ENTREP2: variants seen among roughly 807,000 people sequenced by gnomAD.
ENTREP2 encodes the protein protein ENTREP2.
At chr15:29,233,280 A>G in the ENTREP2 span, among the ~76,000 whole-genome samples, 1 of 152,202 alleles carries the variant, frequency 6.6e-6, no homozygotes, top group Non-Finnish European at 1.5e-5. Flanking sequence ...GAGACATAAA[A>G]CCAAGTATCA....
At chr15:29,269,468 T>C in the ENTREP2 span, 3 of 1,612,944 alleles carry the variant, frequency 1.9e-6, no homozygotes, top group South Asian at 1.1e-5. Flanking sequence ...TTCTGGCTCC[T>C]GGGCCCCACG....
the ENTREP2 span, among the ~76,000 whole-genome samples, chr15:29,236,632 G>C: frequency 2.0e-5 from 3 of 152,310 alleles, no homozygotes; most frequent in South Asian, 4.1e-4. Flanking sequence ...CTGGGTGACA[G>C]AGCAAGATCC....
chr15:29,176,085 G>A, the ENTREP2 span, among the ~76,000 whole-genome samples: 1 of 152,260 alleles, frequency 6.6e-6, no homozygotes, highest in Non-Finnish European at 1.5e-5. Context: ...ACATGCAGAA[G>A]TAATTTCAAC....
At chr15:29,624,665 CTATT>C in the ENTREP2 span, among the ~76,000 whole-genome samples, 2 of 152,114 alleles carry the variant, frequency 1.3e-5, no homozygotes, top group African/African-American at 2.4e-5. Context: ...TTTTACAAAA[CTATT>C]TATTTCAAAA....
At chr15:29,617,585 T>C in the ENTREP2 span, among the ~76,000 whole-genome samples, 1 of 152,234 alleles carries the variant, frequency 6.6e-6, no homozygotes. Flanking sequence ...TTAAGAAACA[T>C]GATGGAATCC....
the ENTREP2 span, among the ~76,000 whole-genome samples, chr15:29,187,253 T>C: frequency 6.6e-6 from 1 of 152,072 alleles, no homozygotes; most frequent in Non-Finnish European, 1.5e-5. Flanking sequence ...ACTGTCACTG[T>C]CTGTTTTTCT....
At chr15:29,481,889 TTGGTTCACAGCAAAA>T in the ENTREP2 span, among the ~76,000 whole-genome samples, 2 of 152,220 alleles carry the variant, frequency 1.3e-5, no homozygotes, top group African/African-American at 2.4e-5. Context: ...AGGGCAGATT[TTGGTTCACAGCAAAA>T]TGGAGCAAAA....
the ENTREP2 span, among the ~76,000 whole-genome samples, chr15:29,128,108 AT>A: frequency 6.6e-6 from 1 of 152,170 alleles, no homozygotes; most frequent in Non-Finnish European, 1.5e-5. Context: ...CCTCTGTGGG[AT>A]CACATGAGTT....
the ENTREP2 span, among the ~76,000 whole-genome samples, chr15:29,491,388 CAG>C: frequency 6.6e-6 from 1 of 152,214 alleles, no homozygotes; most frequent in Admixed American, 6.5e-5. Context: ...CCAGGAGGTG[CAG>C]AGAGTGAGCG....
the ENTREP2 span, among the ~76,000 whole-genome samples, chr15:29,200,450 A>C: frequency 2.6e-5 from 4 of 152,038 alleles, no homozygotes; most frequent in Non-Finnish European, 5.9e-5. Context: ...TGCTGGGTGT[A>C]CAGGCGTGAG....
chr15:29,491,922 T>C, the ENTREP2 span, among the ~76,000 whole-genome samples: 1 of 152,176 alleles, frequency 6.6e-6, no homozygotes, highest in Non-Finnish European at 1.5e-5. Flanking sequence ...AAAAAACTAT[T>C]TCCATCAGCT....
At chr15:29,269,117 C>G in the ENTREP2 span, 1 of 1,614,140 alleles carries the variant, frequency 6.2e-7, no homozygotes, top group Non-Finnish European at 8.5e-7. Flanking sequence ...TCCCAGGCTT[C>G]AGTTTCCTTG....
At chr15:29,495,330 G>T in the ENTREP2 span, among the ~76,000 whole-genome samples, 1 of 152,144 alleles carries the variant, frequency 6.6e-6, no homozygotes, top group Non-Finnish European at 1.5e-5. Context: ...GTTGCCATTT[G>T]TATGTCTTCT....
the ENTREP2 span, among the ~76,000 whole-genome samples, chr15:29,218,357 G>A: frequency 6.6e-6 from 1 of 152,114 alleles, no homozygotes; most frequent in African/African-American, 2.4e-5. Flanking sequence ...TCATGGATGG[G>A]TAGAATCAAT....
the ENTREP2 span, among the ~76,000 whole-genome samples, chr15:29,143,621 A>C: frequency 1.3e-5 from 2 of 152,222 alleles, no homozygotes; most frequent in African/African-American, 2.4e-5. Flanking sequence ...TGAGAAAAGA[A>C]ATTAGTTGAT....
At chr15:29,256,696 T>C in the ENTREP2 span, among the ~76,000 whole-genome samples, 1 of 152,212 alleles carries the variant, frequency 6.6e-6, no homozygotes, top group Non-Finnish European at 1.5e-5. Context: ...TTTTCTTGTT[T>C]AAGAATTGTT....
the ENTREP2 span, among the ~76,000 whole-genome samples, chr15:29,299,452 GCTT>G: frequency 6.6e-6 from 1 of 152,144 alleles, no homozygotes; most frequent in African/African-American, 2.4e-5. Flanking sequence ...CAGCACACTG[GCTT>G]CTTGACTGTT....
At chr15:29,588,656 T>C in the ENTREP2 span, among the ~76,000 whole-genome samples, 2 of 151,918 alleles carry the variant, frequency 1.3e-5, no homozygotes, top group East Asian at 1.9e-4. Flanking sequence ...AGAGGAAACC[T>C]GTACATTAAA....
the ENTREP2 span, among the ~76,000 whole-genome samples, chr15:29,157,538 C>T: frequency 6.6e-6 from 1 of 152,212 alleles, no homozygotes; most frequent in East Asian, 1.9e-4. Context: ...TGCCTTTTCT[C>T]TCCTGTGAGG....
Sources: gnomAD v4.1 joint callset for allele counts (sites outside exome capture counted in the v4.1 genomes callset) on GRCh38, gnomAD v4.1.1 for gene constraint, MANE v1.5 for transcripts, NCBI Gene and HGNC (gene_info 2026-07-23, HGNC 2026-07-21) for gene names.